The following SSBP2 variants were observed in gnomAD, a reference collection of about 807,000 sequenced individuals.
SSBP2 encodes single-stranded DNA-binding protein 2.
A neutral mutation model predicts 61.8 loss-of-function variants in SSBP2; 17 were observed. The observed-to-expected ratio is 0.28, with a 90% CI of 0.19 to 0.41. SSBP2 has a LOEUF of 0.41. Ranked by LOEUF, SSBP2 falls within the 10% of genes least tolerant of loss-of-function variation. The pLI, the probability that SSBP2 is intolerant of heterozygous loss-of-function variation, is 1.00. For missense variants in SSBP2, 310 were observed against 458.7 expected, an observed-to-expected ratio of 0.68 and a Z score of 2.96; for synonymous variants, 139 against 141.3, an observed-to-expected ratio of 0.98 and a Z score of 0.12.
chr5:81,594,115 C>T (rs942655910), intron 4 of SSBP2, among the ~76,000 whole-genome samples: 6 of 152,136 alleles, frequency 3.9e-5, no homozygotes, highest in African/African-American at 1.4e-4. Context: ...TGAAGAGACA[C>T]ACACTGGCTC....
At chr5:81,480,486 G>A (rs1421491173) in intron 6 of SSBP2, among the ~76,000 whole-genome samples, 1 of 152,120 alleles carries the variant, frequency 6.6e-6, no homozygotes, top group Non-Finnish European at 1.5e-5. Flanking sequence ...ATCATCTGAG[G>A]CTTCAGTTAG....
chr5:81,469,715 T>A (rs1765125806), intron 8 of SSBP2, among the ~76,000 whole-genome samples: 2 of 151,982 alleles, frequency 1.3e-5, no homozygotes, highest in Admixed American at 6.6e-5. Flanking sequence ...GAATAAGAAA[T>A]TTTTCAATAT....
chr5:81,456,420 G>A (rs1764152493), intron 10 of SSBP2, among the ~76,000 whole-genome samples: 1 of 148,276 alleles, frequency 6.7e-6, no homozygotes. Flanking sequence ...GGAACCAAGT[G>A]TGCTCAAAAC....
intron 1 of SSBP2, among the ~76,000 whole-genome samples, chr5:81,709,468 A>G (rs1442892791): frequency 1.3e-5 from 2 of 151,976 alleles, no homozygotes; most frequent in Non-Finnish European, 2.9e-5. Flanking sequence ...TGCAGTTCCT[A>G]ATAATTCCTG....
Position 81,705,359 on chromosome 5 carries a change from C to T in SSBP2, c.62+45622G>A, listed in dbSNP as rs115820074. On this transcript the variant is annotated intron_variant, in intron 1 of 16. Coordinates refer to ENST00000320672, the MANE Select transcript of SSBP2 (RefSeq NM_012446.5). ...TAGTAATGGAAAGCAACAGATCCCC[C>T]TTAAAAAGTGATAAGTAGCAAACCA... Among the ~76,000 whole-genome samples the T allele has an allele frequency of 7.8e-3, 1,186 of 152,084 alleles. 22 individuals carry two copies. Among genetic ancestry groups the T allele is most frequent in the African/African-American group, 0.027 (1,134 of 41,474 alleles).
intron 1 of SSBP2, among the ~76,000 whole-genome samples, chr5:81,699,223 TC>T (rs1489670191): frequency 6.6e-6 from 1 of 152,218 alleles, no homozygotes; most frequent in African/African-American, 2.4e-5. Flanking sequence ...TATGGGCTGA[TC>T]GGGGTGGCAG....
chr5:81,598,129 T>C (rs993493205), intron 4 of SSBP2, among the ~76,000 whole-genome samples: 1 of 151,862 alleles, frequency 6.6e-6, no homozygotes, highest in African/African-American at 2.4e-5. Flanking sequence ...AGATCCAACT[T>C]ACTCAGAAAA....
intron 1 of SSBP2, among the ~76,000 whole-genome samples, chr5:81,709,649 T>C (rs1256593552): frequency 1.3e-5 from 2 of 151,938 alleles, no homozygotes; most frequent in South Asian, 4.1e-4. Context: ...ATCATATATA[T>C]AGAAAGGAAA....
At chr5:81,718,409 G>C (rs1318994636) in intron 1 of SSBP2, among the ~76,000 whole-genome samples, 1 of 152,174 alleles carries the variant, frequency 6.6e-6, no homozygotes, top group African/African-American at 2.4e-5. Context: ...AACAGAGAAA[G>C]ATCTAGTAGT....
intron 16 of SSBP2, among the ~76,000 whole-genome samples, chr5:81,424,817 A>G (rs1335937020): frequency 6.6e-6 from 1 of 152,244 alleles, no homozygotes; most frequent in East Asian, 1.9e-4. Flanking sequence ...GGAGTATCAT[A>G]TTTAGAGACA....
chr5:81,463,310 TAAGA>T (rs1160694639), intron 9 of SSBP2, among the ~76,000 whole-genome samples: 1 of 152,152 alleles, frequency 6.6e-6, no homozygotes, highest in Non-Finnish European at 1.5e-5. Context: ...TCAGTATTAT[TAAGA>T]AAGTAATTTA....
chr5:81,640,275 G>A (rs1468800945), intron 2 of SSBP2, among the ~76,000 whole-genome samples: 1 of 152,242 alleles, frequency 6.6e-6, no homozygotes, highest in African/African-American at 2.4e-5. Context: ...AGGAGGCGGA[G>A]ATTGCAGTGA....
chr5:81,645,464 A>C, intron 2 of SSBP2, among the ~76,000 whole-genome samples: 1 of 152,188 alleles, frequency 6.6e-6, no homozygotes. Context: ...ATAATGCAAA[A>C]ATTTTAAGAA....
At chr5:81,429,697 G>T (rs1016751093) in intron 15 of SSBP2, among the ~76,000 whole-genome samples, 1 of 150,016 alleles carries the variant, frequency 6.7e-6, no homozygotes, top group Non-Finnish European at 1.5e-5. Flanking sequence ...TTAGTTTTTA[G>T]ATTTTTTTTT....
intron 6 of SSBP2, among the ~76,000 whole-genome samples, chr5:81,479,568 T>C (rs1202409250): frequency 6.6e-5 from 10 of 151,960 alleles, no homozygotes; most frequent in Non-Finnish European, 1.5e-4. Flanking sequence ...GCTCGGATTA[T>C]AGGTGTGAGC....
In SSBP2 at chr5:81,694,192, G is replaced by A. The variant is rs144973281; in HGVS notation, c.63-43853C>T. ...ATTAGAGTCTAAAGGGTAGTGGGGC[G>A]AGGAAAAGTAAGGATGGTTAGTGGG... On this transcript the variant is annotated intron_variant, in intron 1 of 16. Transcript: ENST00000320672. 7.3e-3 allele frequency among the ~76,000 whole-genome samples: 1,109 copies of A among 152,206 alleles called. 18 individuals are homozygous for A. The highest frequency in any genetic ancestry group is 0.026 in the African/African-American group (1,071 of 41,532).
chr5:81,507,553 A>T (rs1178440124), intron 5 of SSBP2, among the ~76,000 whole-genome samples: 1 of 152,168 alleles, frequency 6.6e-6, no homozygotes, highest in Non-Finnish European at 1.5e-5. Flanking sequence ...TTACAGAATC[A>T]AAGATATTAT....
chr5:81,727,690 G>C (rs781102628), intron 1 of SSBP2, among the ~76,000 whole-genome samples: 11 of 152,154 alleles, frequency 7.2e-5, no homozygotes, highest in Non-Finnish European at 1.3e-4. Flanking sequence ...TATAAATTGA[G>C]CATCTCTTGA....
At chr5:81,542,587 T>C (rs1771358504) in intron 4 of SSBP2, among the ~76,000 whole-genome samples, 1 of 151,530 alleles carries the variant, frequency 6.6e-6, no homozygotes, top group African/African-American at 2.4e-5. Flanking sequence ...ATATATTCCA[T>C]ATACACCATG....
Sources: gnomAD v4.1 joint callset for allele counts (sites outside exome capture counted in the v4.1 genomes callset) on GRCh38, gnomAD v4.1.1 for gene constraint, MANE v1.5 for transcripts, NCBI Gene and HGNC (gene_info 2026-07-23, HGNC 2026-07-21) for gene names.